PRRC2C: variants seen among roughly 807,000 people sequenced by gnomAD.
PRRC2C encodes proline rich coiled-coil 2C.
Under a neutral mutation model 317.2 loss-of-function variants are expected in PRRC2C, and 72 were observed. The ratio of observed to expected loss-of-function variants is 0.23; its 90% CI spans 0.19 to 0.28. The LOEUF (loss-of-function observed/expected upper bound fraction) is 0.28. Among genes scored for constraint, PRRC2C ranks in the 10% least tolerant of loss-of-function variants. The pLI is 1.00. For missense variants in PRRC2C, 3,074 were observed against 3,459.7 expected (o/e 0.89, Z 2.80); for synonymous variants, 1,296 against 1,205.9 (o/e 1.07, Z -1.55).
At position 171,532,666 on chromosome 1, in the gene PRRC2C, A is replaced by C; in HGVS notation, c.1578A>C (p.Glu526Asp). The stretch of plus-strand genomic sequence containing the variant: ...AGAAAGAACTTGAAAAAGAACAAGA[A>C]CAGGAGCGAGAGAAGGAGAGGGAAA... Reference protein sequence around the residue: ...EREKELEKEQEQEREKEREKD... With the variant: ...EREKELEKEQDQEREKEREKD... The change falls in exon 12 of 35, where the codon GAA (glutamate) becomes GAC (aspartate). Residue 526 changes from glutamate (E) to aspartate (D), a missense_variant. Glu to Asp is a conservative substitution (Grantham distance 45, BLOSUM62 2). Coordinates refer to ENST00000647382, the MANE Select transcript of PRRC2C (RefSeq NM_001387844.1). 6.4e-7 allele frequency: 1 copy of C among 1,551,736 alleles called. No homozygotes were observed. The highest frequency in any genetic ancestry group is 1.2e-5 in the South Asian group (1 of 84,012).
chr1:171,558,228 G>A, intron 19 of PRRC2C, 85 bp downstream of exon 19: 3 of 1,383,244 alleles, frequency 2.2e-6, no homozygotes, highest in Non-Finnish European at 2.9e-6. Flanking sequence ...TACTCTTTAA[G>A]TGTTTTCTAG....
intron 3 of PRRC2C, 131 bp downstream of exon 3, chr1:171,513,303 C>A (rs1671714482): frequency 9.6e-7 from 1 of 1,039,538 alleles, no homozygotes; most frequent in Non-Finnish European, 1.4e-6. Context: ...TCTTTAAAGT[C>A]TTTTGACTAT....
intron 1 of PRRC2C, among the ~76,000 whole-genome samples, chr1:171,504,198 G>A (rs1571623537): frequency 6.6e-6 from 1 of 152,094 alleles, no homozygotes; most frequent in Non-Finnish European, 1.5e-5. Context: ...CTTGATAAAA[G>A]TTCTTTCTCA....
intron 20 of PRRC2C, 127 bp from the exon 21 acceptor site, chr1:171,566,106 A>C: frequency 1.4e-6 from 1 of 694,532 alleles, no homozygotes; most frequent in East Asian, 2.8e-5. Flanking sequence ...AATATAATTA[A>C]TGTCGGTCTC....
intron 4 of PRRC2C, among the ~76,000 whole-genome samples, chr1:171,514,895 A>G (rs1051009493): frequency 4.6e-5 from 7 of 152,232 alleles, no homozygotes; most frequent in Admixed American, 3.3e-4. Flanking sequence ...ACATCATTTT[A>G]TCTTTACCTC....
At chr1:171,531,291 C>T (rs1168380481) in intron 11 of PRRC2C, among the ~76,000 whole-genome samples, 1 of 152,186 alleles carries the variant, frequency 6.6e-6, no homozygotes, top group Non-Finnish European at 1.5e-5. Context: ...TCAAACTATA[C>T]ACTTAAAATA....
Position 171,541,645 on chromosome 1 carries a change from A to C in PRRC2C, c.4179A>C (p.Pro1393=), listed in dbSNP as rs1462257275. 1 of 1,613,850 alleles carries C rather than the reference A, an allele frequency of 6.2e-7. No individual in the cohort carries two copies. Among genetic ancestry groups the C allele is most frequent in the Admixed American group, 1.7e-5 (1 of 60,014 alleles). Residue 1393 remains proline, a synonymous_variant, in exon 16 of 35, where the codon CCA becomes CCC. Coordinates refer to ENST00000647382, the MANE Select transcript of PRRC2C (RefSeq NM_001387844.1). The surrounding 1 kb of genome is among the most constrained non-coding windows in gnomAD (Gnocchi z 4.1). The part of the protein sequence containing the change: ...EVPKPEDGEP[P]RRHEQFIPIA... ...CTAAACCAGAAGATGGAGAGCCGCC[A>C]AGAAGACATGAGCAGTTTATTCCTA...
chr1:171,574,546 A>G (rs1294015067), intron 24 of PRRC2C, among the ~76,000 whole-genome samples: 2 of 152,226 alleles, frequency 1.3e-5, no homozygotes, highest in East Asian at 3.8e-4. Flanking sequence ...CTTGCCTTTT[A>G]AAACACTGTG....
rs1377912382 is a variant in PRRC2C, at chr1:171,557,437, C to T, written c.5325C>T (p.Thr1775=). The T allele has an allele frequency of 6.5e-7, 1 of 1,547,408 alleles. No individual in the cohort carries two copies. The highest frequency in any genetic ancestry group is 8.7e-7 in the Non-Finnish European group (1 of 1,144,282). ...PASTSAPLPA[T]LTPVPASTSA... ...CAACCTCAGCTCCACTTCCGGCAAC[C>T]TTAACTCCAGTTCCAGCCTCAACCT... The change falls in exon 19 of 35, where the codon ACC becomes ACT. Residue 1775 remains threonine (T), a synonymous_variant. Coordinates refer to ENST00000647382, the MANE Select transcript of PRRC2C (RefSeq NM_001387844.1).
chr1:171,582,550 G>A (rs1264561995), intron 28 of PRRC2C, among the ~76,000 whole-genome samples: 2 of 152,150 alleles, frequency 1.3e-5, no homozygotes, highest in Non-Finnish European at 2.9e-5. Flanking sequence ...GTAGAGTACA[G>A]CCTATTGTGT....
intron 12 of PRRC2C, among the ~76,000 whole-genome samples, chr1:171,534,116 A>G (rs1012386853): frequency 6.6e-6 from 1 of 152,210 alleles, no homozygotes; most frequent in Non-Finnish European, 1.5e-5. Flanking sequence ...GTTACCTTCA[A>G]ACTTGGCTCT....
At position 171,513,007 on chromosome 1, in the gene PRRC2C, A is replaced by T. The variant is rs1671665455; in HGVS notation, c.125A>T (p.His42Leu). 1 of 1,605,280 alleles carries T rather than the reference A, an allele frequency of 6.2e-7. No individual in the cohort carries two copies. Among genetic ancestry groups the T allele is most frequent in the Non-Finnish European group, 8.5e-7 (1 of 1,176,776 alleles). The stretch of plus-strand genomic sequence containing the variant: ...TATTGATCTTTAGTTGCAGCTCGAC[A>T]TGGATTACAGAGTCTTGGAAAAGTC... ...ETQKTTVAARHGLQSLGKVGI... is the reference protein window; with the variant it reads ...ETQKTTVAARLGLQSLGKVGI... The change falls in exon 3 of 35, where the codon CAT (histidine) becomes CTT (leucine). Residue 42 changes from histidine (H) to leucine (L), a missense_variant. Coordinates refer to ENST00000647382, the MANE Select transcript of PRRC2C (RefSeq NM_001387844.1).
intron 19 of PRRC2C, among the ~76,000 whole-genome samples, chr1:171,560,664 TTTTTAAAATTAA>T (rs1433864735): frequency 6.6e-6 from 1 of 152,216 alleles, no homozygotes; most frequent in Non-Finnish European, 1.5e-5. Context: ...AGCGGTAGTT[TTTTTAAAATTAA>T]AAAGTATACA....
chr1:171,538,586 A>G (rs1677295789), intron 15 of PRRC2C, among the ~76,000 whole-genome samples: 1 of 152,212 alleles, frequency 6.6e-6, no homozygotes, highest in Non-Finnish European at 1.5e-5. Context: ...TGGGACAGAT[A>G]AGCTTACTCA....
rs1344129607 is a variant in PRRC2C at position 171,536,289 on chromosome 1, T to C, written c.2293+11T>C. 4 of 1,611,348 alleles carry C rather than the reference T, an allele frequency of 2.5e-6. No individual in the cohort carries two copies. In the African/African-American group the frequency reaches 5.3e-5, roughly 22 times the overall value. The stretch of plus-strand genomic sequence containing the variant: ...CACCCATTCATCCTGGTCAGTTGAA[T>C]TTGCATTTATAGTTTTACAGGATCA... On this transcript the variant is annotated intron_variant, in intron 14 of 34. Transcript: ENST00000647382.
intron 21 of PRRC2C, 28 bp downstream of exon 21, chr1:171,566,449 A>G: frequency 6.5e-7 from 1 of 1,527,246 alleles, no homozygotes; most frequent in Non-Finnish European, 8.8e-7. Flanking sequence ...TCCAGATAAA[A>G]TTTTATGAAG....
rs975735129 is a variant in PRRC2C at position 171,561,180 on chromosome 1, C to T, written c.6117+77C>T. ...CAGTGTGGCCGGGTGTGGTGGCTTACACCTGTAATCCTAGCGTGGTGGGAG... is the reference window on the plus strand; with the variant it reads ...CAGTGTGGCCGGGTGTGGTGGCTTATACCTGTAATCCTAGCGTGGTGGGAG... On this transcript the variant is annotated intron_variant, in intron 20 of 34. Transcript: ENST00000647382. 8.2e-6 allele frequency: 11 copies of T among 1,346,984 alleles called. No homozygotes were observed. The Admixed American group carries it at 8.4e-5, about 10-fold the overall frequency. 83.4% of individuals were successfully genotyped at this position (1,346,984 alleles called of 1,614,324 possible). A position where few individuals can be genotyped will look rare whatever the true frequency, so the allele number is the denominator to read the frequency against.
At chr1:171,520,155 G>T (rs1673281816) in intron 6 of PRRC2C, among the ~76,000 whole-genome samples, 1 of 152,090 alleles carries the variant, frequency 6.6e-6, no homozygotes, top group African/African-American at 2.4e-5. Flanking sequence ...TAGAGACAGG[G>T]TTTCACCATG....
rs2102639061 is a variant in PRRC2C at position 171,557,362 on chromosome 1, T to A, written c.5250T>A (p.Pro1750=). 1 of 1,551,834 alleles carries A rather than the reference T, an allele frequency of 6.4e-7. No homozygotes were observed. The highest frequency in any genetic ancestry group is 1.2e-5 in the South Asian group (1 of 84,064). The change falls in exon 19 of 35, where the codon CCT becomes CCA. Residue 1750 remains proline, a synonymous_variant. Coordinates refer to ENST00000647382, the MANE Select transcript of PRRC2C (RefSeq NM_001387844.1). ...QQAQSSASVP[P]LASAPLPPST... is the part of the protein sequence containing the mutation. ...CACAGTCTTCAGCCTCAGTTCCACC[T>A]CTAGCTTCGGCTCCACTTCCACCTT...
Sources: gnomAD v4.1 joint callset for allele counts (sites outside exome capture counted in the v4.1 genomes callset) on GRCh38, gnomAD v4.1.1 for gene constraint, Gnocchi (gnomAD v3.1) non-coding constraint, MANE v1.5 for transcripts, NCBI Gene and HGNC (gene_info 2026-07-23, HGNC 2026-07-21) for gene names.